MEGF11: variants seen among roughly 807,000 people sequenced by gnomAD.
MEGF11 encodes the protein multiple EGF like domains 11.
A neutral mutation model predicts 146.6 loss-of-function variants in MEGF11; 126 were observed. The ratio of observed to expected loss-of-function variants is 0.86; its 90% CI spans 0.74 to 1.00. The LOEUF is 1.00. MEGF11 is among the 50% of genes least tolerant of loss of function. The probability of loss-of-function intolerance (pLI) is 0.00; values close to 1 mark genes in which losing one functional copy is unlikely to be tolerated. For synonymous variants in MEGF11, 532 were observed against 583.4 expected (o/e 0.91, Z 1.27); for missense variants, 1,509 against 1,521.2 (o/e 0.99, Z 0.13).
At position 65,982,448 on chromosome 15, in the gene MEGF11, C is replaced by G. The variant is rs1241063871; in HGVS notation, c.435G>C (p.Arg145=). The G allele has an allele frequency of 1.3e-6, 2 of 1,492,474 alleles. No individual in the cohort carries two copies. Among genetic ancestry groups the G allele is most frequent in the Non-Finnish European group, 1.8e-6 (2 of 1,119,206 alleles). The allele number at this position is 1,492,474 out of a possible 1,614,324, so 92.5% of individuals were successfully genotyped here. A position where few individuals can be genotyped will look rare whatever the true frequency, so the allele number is the denominator to read the frequency against. The part of the protein sequence containing the change: ...SDHWGPHCSN[R]CQCQNGALCN... ...ACAGGGCGCCGTTCTGGCACTGGCA[C>G]CGGTTGCTGCAGTGGGGCCCCCAGT... The change falls in exon 6 of 26, where the codon CGG becomes CGC. Residue 145 remains arginine, a synonymous_variant. Coordinates refer to ENST00000395614, the MANE Select transcript of MEGF11 (RefSeq NM_001385028.1). The surrounding 1 kb of genome is among the most constrained non-coding windows in gnomAD (Gnocchi z 5.6).
chr15:66,092,697 C>T (rs898602799), intron 5 of MEGF11, among the ~76,000 whole-genome samples: 6 of 152,184 alleles, frequency 3.9e-5, no homozygotes, highest in African/African-American at 1.4e-4. Flanking sequence ...GGGCCCTCCC[C>T]ACGGCCCAGC....
intron 1 of MEGF11, among the ~76,000 whole-genome samples, chr15:66,161,513 G>C (rs1394334245): frequency 6.6e-6 from 1 of 152,150 alleles, no homozygotes; most frequent in Non-Finnish European, 1.5e-5. Context: ...AGCCCCTTAA[G>C]TGGCTGGGAC....
rs1555477148 is a variant in MEGF11 at position 66,155,254 on chromosome 15, GC to G, written c.-8-26844del. Among the ~76,000 whole-genome samples, 13 of 98,394 alleles carry G rather than the reference GC, an allele frequency of 1.3e-4. No homozygotes were observed. The East Asian group carries it at 2.2e-3, about 16-fold the overall frequency. 64.6% of individuals were successfully genotyped at this position (98,394 alleles called of 152,430 possible). A position where few individuals can be genotyped will look rare whatever the true frequency, so the allele number is the denominator to read the frequency against. On this transcript the variant is annotated intron_variant, in intron 1 of 25. Coordinates refer to ENST00000395614, the MANE Select transcript of MEGF11 (RefSeq NM_001385028.1). ...TGGGTTGGGAGACACACATGGTGAT[GC>G]CCCCCACCCCCCGCTATGGGGTAAG...
At position 66,128,164 on chromosome 15, in the gene MEGF11, C is replaced by T. The variant is rs992209769; in HGVS notation, c.98+142G>A. 1.2e-5 allele frequency: 6 copies of T among 495,794 alleles called. No individual in the cohort carries two copies. The Admixed American group carries it at 2.5e-4, about 20-fold the overall frequency. 30.7% of individuals were successfully genotyped at this position (495,794 alleles called of 1,614,324 possible). A position where few individuals can be genotyped will look rare whatever the true frequency, so the allele number is the denominator to read the frequency against. On this transcript the variant is annotated intron_variant, in intron 2 of 25. Transcript: ENST00000395614. ...GAATCTACACATCTCTGTCCTGTCT[C>T]TCAGCATGTGGGCCATCTCCCCAGC...
At position 65,897,803 on chromosome 15, in the gene MEGF11, A is replaced by C. The variant is rs2078386928; in HGVS notation, c.*131T>G. On this transcript the variant is annotated 3_prime_UTR_variant, in exon 26 of 26. Coordinates refer to ENST00000395614, the MANE Select transcript of MEGF11 (RefSeq NM_001385028.1). ...CAGTCCCACCTGGACGCTCTTCTTTAGTTCCAGGTGAACGTAATAACTAAC... is the reference window on the plus strand; with the variant it reads ...CAGTCCCACCTGGACGCTCTTCTTTCGTTCCAGGTGAACGTAATAACTAAC... The C allele has an allele frequency of 2.3e-6, 2 of 862,714 alleles. No individual in the cohort carries two copies. Among genetic ancestry groups the C allele is most frequent in the African/African-American group, 3.4e-5 (2 of 58,122 alleles). 53.4% of individuals were successfully genotyped at this position (862,714 alleles called of 1,614,324 possible).
chr15:66,103,892 T>C (rs2086943063), intron 4 of MEGF11, among the ~76,000 whole-genome samples: 1 of 152,202 alleles, frequency 6.6e-6, no homozygotes. Flanking sequence ...CCCATTCTTT[T>C]AAACTTAAGG....
In MEGF11 at chr15:65,916,190, A is replaced by C. The variant is rs199886545; in HGVS notation, c.2302T>G (p.Cys768Gly). 1.0e-5 allele frequency: 16 copies of C among 1,583,794 alleles called. No individual in the cohort carries two copies. In the East Asian group the frequency reaches 2.5e-4, roughly 25 times the overall value. ...CCGGTGAAGCCTGTGCGGCAGGTGCACTTGCCACTGATGTGGTCACAGCTG... is the reference window on the plus strand; with the variant it reads ...CCGGTGAAGCCTGTGCGGCAGGTGCCCTTGCCACTGATGTGGTCACAGCTG... ...GASCDHISGKCTCRTGFTGQH... is the reference protein window; with the variant it reads ...GASCDHISGKGTCRTGFTGQH... The change falls in exon 18 of 26, where the codon TGC becomes GGC. Residue 768 changes from cysteine to glycine, a missense_variant. By Grantham distance (159) the Cys-to-Gly change is radical. Coordinates refer to ENST00000395614, the MANE Select transcript of MEGF11 (RefSeq NM_001385028.1).
At chr15:66,244,749 T>C (rs956498392) in intron 1 of MEGF11, among the ~76,000 whole-genome samples, 3 of 152,118 alleles carry the variant, frequency 2.0e-5, no homozygotes, top group Non-Finnish European at 4.4e-5. Flanking sequence ...TTAAATTTAG[T>C]CCCTTTCCCC....
At chr15:66,182,175 G>A (rs755107838) in intron 1 of MEGF11, among the ~76,000 whole-genome samples, 5 of 152,114 alleles carry the variant, frequency 3.3e-5, no homozygotes, top group Non-Finnish European at 7.4e-5. Context: ...ATGATCTCGG[G>A]ACCAACGGCA....
intron 5 of MEGF11, among the ~76,000 whole-genome samples, chr15:66,002,328 C>T (rs903601442): frequency 6.6e-6 from 1 of 152,146 alleles, no homozygotes; most frequent in African/African-American, 2.4e-5. Flanking sequence ...GAGGTAGGCT[C>T]CTCAGTAGAG....
chr15:66,124,666 T>C (rs1167440972), intron 2 of MEGF11, among the ~76,000 whole-genome samples: 2 of 152,214 alleles, frequency 1.3e-5, no homozygotes, highest in South Asian at 2.1e-4. Flanking sequence ...CTGCCTCTAG[T>C]ATAGCTGGGG....
intron 5 of MEGF11, among the ~76,000 whole-genome samples, chr15:66,020,808 C>T (rs1014623942): frequency 6.6e-6 from 1 of 151,946 alleles, no homozygotes; most frequent in African/African-American, 2.4e-5. Flanking sequence ...TTGGCTAACA[C>T]AGTGAAACCC....
rs147722931 is a variant in MEGF11, at chr15:66,067,654, G to T, written c.394+26748C>A. Among the ~76,000 whole-genome samples, 378 of 152,290 alleles carry T rather than the reference G, an allele frequency of 2.5e-3. 1 individual carries two copies. The highest frequency in any genetic ancestry group is 8.3e-3 in the African/African-American group (345 of 41,546). On this transcript the variant is annotated intron_variant, in intron 5 of 25. Coordinates refer to ENST00000395614, the MANE Select transcript of MEGF11 (RefSeq NM_001385028.1). ...CTCACTGAGGCTCCCACTGTAGGGA[G>T]GAATGACATCAAATAGCCTTTTATG...
At chr15:66,037,118 G>A (rs2083754156) in intron 5 of MEGF11, among the ~76,000 whole-genome samples, 1 of 152,242 alleles carries the variant, frequency 6.6e-6, no homozygotes, top group Non-Finnish European at 1.5e-5. Flanking sequence ...AGCTCCGAGT[G>A]CTTGTTGCCG....
intron 5 of MEGF11, among the ~76,000 whole-genome samples, chr15:65,993,069 G>T (rs559962291): frequency 6.6e-6 from 1 of 152,324 alleles, no homozygotes; most frequent in Admixed American, 6.5e-5. Context: ...AGACGGTGCT[G>T]ATCACGGAGG....
At chr15:66,014,344 AT>A (rs1393356052) in intron 5 of MEGF11, among the ~76,000 whole-genome samples, 1 of 152,240 alleles carries the variant, frequency 6.6e-6, no homozygotes, top group Non-Finnish European at 1.5e-5. Flanking sequence ...CCAGATGGAC[AT>A]TCATTTTCAG....
At chr15:66,007,801 C>T (rs1044585962) in intron 5 of MEGF11, among the ~76,000 whole-genome samples, 7 of 152,142 alleles carry the variant, frequency 4.6e-5, no homozygotes, top group African/African-American at 1.4e-4. Flanking sequence ...ATTCTCATTA[C>T]CCCTTCACCC....
chr15:66,011,673 T>C (rs771170671), intron 5 of MEGF11, among the ~76,000 whole-genome samples: 1 of 151,952 alleles, frequency 6.6e-6, no homozygotes, highest in Non-Finnish European at 1.5e-5. Context: ...ACGATGCATG[T>C]AGCGCCCACA....
At chr15:65,940,008 C>T (rs988495631) in intron 10 of MEGF11, among the ~76,000 whole-genome samples, 1 of 152,170 alleles carries the variant, frequency 6.6e-6, no homozygotes, top group African/African-American at 2.4e-5. Context: ...TCTTAAGTGC[C>T]AGTATGTGTC....
Sources: allele counts gnomAD v4.1 joint callset (sites outside exome capture counted in the v4.1 genomes callset), GRCh38; gene constraint gnomAD v4.1.1; non-coding constraint Gnocchi (gnomAD v3.1); transcripts MANE v1.5; gene names NCBI Gene and HGNC (gene_info 2026-07-23, HGNC 2026-07-21).